Variants in PDE4D observed in about 807,000 individuals in gnomAD.
PDE4D encodes the protein phosphodiesterase 4D.
A neutral mutation model predicts 87.4 loss-of-function variants in PDE4D; 24 were observed. The ratio of observed to expected loss-of-function variants is 0.27; its 90% CI spans 0.20 to 0.39. The LOEUF (loss-of-function observed/expected upper bound fraction) is 0.39, where lower values mean the gene tolerates loss of function less well. Among genes scored for constraint, PDE4D ranks in the 10% least tolerant of loss-of-function variants. The pLI is 1.00. For missense variants in PDE4D, 714 were observed against 1,041.0 expected, an observed-to-expected ratio of 0.69 and a Z score of 4.32; for synonymous variants, 384 against 383.2, an observed-to-expected ratio of 1.00 and a Z score of -0.02.
intron 1 of PDE4D, among the ~76,000 whole-genome samples, chr5:59,740,247 T>C (rs1245906644): frequency 1.3e-5 from 2 of 152,176 alleles, no homozygotes; most frequent in African/African-American, 4.8e-5. Context: ...TAATTTTCTA[T>C]TGTTTATTCT....
chr5:59,055,376 C>T (rs1762182124), intron 5 of PDE4D, among the ~76,000 whole-genome samples: 1 of 151,992 alleles, frequency 6.6e-6, no homozygotes, highest in African/African-American at 2.4e-5. Context: ...TTTTTAATGC[C>T]TTTAGGTCTT....
At chr5:59,415,310 T>C (rs1371433939) in intron 1 of PDE4D, among the ~76,000 whole-genome samples, 1 of 152,304 alleles carries the variant, frequency 6.6e-6, no homozygotes, top group African/African-American at 2.4e-5. Flanking sequence ...GAAAAAGGTG[T>C]GCTCAGGTGA....
intron 1 of PDE4D, among the ~76,000 whole-genome samples, chr5:59,559,539 A>C (rs1234279205): frequency 6.6e-6 from 1 of 152,196 alleles, no homozygotes; most frequent in Non-Finnish European, 1.5e-5. Context: ...TCTTGGATAT[A>C]AGCCACAGAT....
chr5:59,348,389 G>A (rs1237503177), intron 1 of PDE4D, among the ~76,000 whole-genome samples: 2 of 152,130 alleles, frequency 1.3e-5, no homozygotes, highest in East Asian at 3.9e-4. Flanking sequence ...AAATGGGCAG[G>A]TGAGAGAATT....
chr5:59,511,349 TA>T (rs1562309979), intron 1 of PDE4D, among the ~76,000 whole-genome samples: 2 of 151,914 alleles, frequency 1.3e-5, no homozygotes. Flanking sequence ...GTTTAGAAAG[TA>T]AGATAAAAAG....
chr5:60,498,356 A>G (rs1245008429), intron 1 of PDE4D, among the ~76,000 whole-genome samples: 2 of 152,220 alleles, frequency 1.3e-5, no homozygotes, highest in African/African-American at 2.4e-5. Flanking sequence ...GGCAGAGTCC[A>G]TTCCACTAAA....
intron 1 of PDE4D, among the ~76,000 whole-genome samples, chr5:59,335,543 A>G (rs996742938): frequency 6.6e-6 from 1 of 152,208 alleles, no homozygotes; most frequent in African/African-American, 2.4e-5. Context: ...CACAACCTAC[A>G]TTTATCACTT....
chr5:59,258,630 TGA>T, intron 1 of PDE4D, among the ~76,000 whole-genome samples: 1 of 149,510 alleles, frequency 6.7e-6, no homozygotes, highest in East Asian at 2.0e-4. Context: ...CTCTAAGAAC[TGA>T]GATACATTGT....
chr5:60,020,684 C>CCAGCT (rs1765958831), intron 2 of PDE4D, among the ~76,000 whole-genome samples: 1 of 152,198 alleles, frequency 6.6e-6, no homozygotes, highest in African/African-American at 2.4e-5. Context: ...CCAGCCCAGC[C>CCAGCT]CAGCTCAGCC....
chr5:59,394,279 G>A (rs1788861287), intron 1 of PDE4D, among the ~76,000 whole-genome samples: 1 of 152,172 alleles, frequency 6.6e-6, no homozygotes, highest in African/African-American at 2.4e-5. Context: ...TCCAGAATCA[G>A]TGTCACTGTC....
At chr5:60,103,956 T>C (rs1352392506) in intron 2 of PDE4D, among the ~76,000 whole-genome samples, 1 of 152,152 alleles carries the variant, frequency 6.6e-6, no homozygotes, top group Non-Finnish European at 1.5e-5. Context: ...GACTTCTGCA[T>C]TTCCATCTGA....
intron 1 of PDE4D, among the ~76,000 whole-genome samples, chr5:59,839,397 T>G (rs991296673): frequency 5.3e-5 from 8 of 151,962 alleles, no homozygotes; most frequent in African/African-American, 9.7e-5. Flanking sequence ...ACTCAGTTTT[T>G]GGGGTTTTTT....
At chr5:59,559,145 A>G (rs1267603694) in intron 1 of PDE4D, among the ~76,000 whole-genome samples, 1 of 152,224 alleles carries the variant, frequency 6.6e-6, no homozygotes, top group Non-Finnish European at 1.5e-5. Flanking sequence ...TGAGTCTATT[A>G]GCAACAACAC....
intron 1 of PDE4D, among the ~76,000 whole-genome samples, chr5:59,723,514 C>T (rs534810766): frequency 1.1e-4 from 16 of 152,140 alleles, no homozygotes; most frequent in South Asian, 8.3e-4. Context: ...ACAGATGAGG[C>T]GATCCTACAA....
intron 5 of PDE4D, among the ~76,000 whole-genome samples, chr5:59,058,763 C>G (rs915512160): frequency 6.6e-6 from 1 of 151,830 alleles, no homozygotes; most frequent in Non-Finnish European, 1.5e-5. Flanking sequence ...TACAAAGAGA[C>G]TCTTGGTGGA....
chr5:60,012,261 G>A (rs1336931727), intron 2 of PDE4D, among the ~76,000 whole-genome samples: 1 of 152,106 alleles, frequency 6.6e-6, no homozygotes, highest in Non-Finnish European at 1.5e-5. Context: ...AACAAGAACT[G>A]CATGAGTGCA....
intron 1 of PDE4D, among the ~76,000 whole-genome samples, chr5:60,497,726 T>C (rs898099128): frequency 1.3e-5 from 2 of 152,110 alleles, no homozygotes; most frequent in African/African-American, 4.8e-5. Context: ...CTTTCAGAAG[T>C]CAATTAGTCC....
chr5:59,822,153 A>G (rs931635768), intron 1 of PDE4D, among the ~76,000 whole-genome samples: 6 of 152,210 alleles, frequency 3.9e-5, no homozygotes, highest in African/African-American at 9.6e-5. Context: ...ATGATATAAT[A>G]TGGATTTTAC....
chr5:59,239,208 C>T (rs772095710), intron 1 of PDE4D, among the ~76,000 whole-genome samples: 38 of 152,192 alleles, frequency 2.5e-4, no homozygotes, highest in Non-Finnish European at 8.8e-5. Context: ...TCTCCTGAAG[C>T]TTCAAACTTT....
Sources: allele counts gnomAD v4.1 joint callset (sites outside exome capture counted in the v4.1 genomes callset), GRCh38; gene constraint gnomAD v4.1.1; transcripts MANE v1.5; gene names NCBI Gene and HGNC (gene_info 2026-07-23, HGNC 2026-07-21).